Variants in TECPR2 observed in about 807,000 individuals in gnomAD.
TECPR2 encodes the protein tectonin beta-propeller repeat-containing protein 2.
A neutral mutation model predicts 138.1 loss-of-function variants in TECPR2; 65 were observed. The ratio of observed to expected loss-of-function variants is 0.47; its 90% CI spans 0.39 to 0.58. The LOEUF (loss-of-function observed/expected upper bound fraction) is 0.58. TECPR2 is among the 20% of genes least tolerant of loss of function. The probability of loss-of-function intolerance (pLI) is 0.00; values close to 1 mark genes in which losing one functional copy is unlikely to be tolerated. For synonymous variants in TECPR2, 746 were observed against 749.8 expected (o/e 0.99, Z 0.08); for missense variants, 1,553 against 1,824.5 (o/e 0.85, Z 2.71).
At chr14:102,425,820 C>T (rs569427223) in intron 6 of TECPR2, among the ~76,000 whole-genome samples, 3 of 150,202 alleles carry the variant, frequency 2.0e-5, no homozygotes, top group South Asian at 4.2e-4. Context: ...GTGATCTGCC[C>T]GCCTTGGCCT....
At chr14:102,429,948 TTTTG>T (rs1353891800) in intron 7 of TECPR2, among the ~76,000 whole-genome samples, 3 of 152,150 alleles carry the variant, frequency 2.0e-5, no homozygotes, top group Non-Finnish European at 4.4e-5. Flanking sequence ...GAATTTTACA[TTTTG>T]TTTAATTTTT....
intron 5 of TECPR2, among the ~76,000 whole-genome samples, chr14:102,416,280 C>T (rs1861612803): frequency 6.6e-6 from 1 of 152,136 alleles, no homozygotes; most frequent in Admixed American, 6.5e-5. Context: ...TGCCACCACA[C>T]CCGGCTAATT....
chr14:102,365,883 G>A (rs971373639), intron 1 of TECPR2, among the ~76,000 whole-genome samples: 6 of 152,166 alleles, frequency 3.9e-5, no homozygotes, highest in East Asian at 1.9e-4. Context: ...GGGGATGGGA[G>A]CAAGGAAGTG....
intron 11 of TECPR2, among the ~76,000 whole-genome samples, chr14:102,441,028 C>A (rs1889814555): frequency 6.6e-6 from 1 of 151,888 alleles, no homozygotes; most frequent in African/African-American, 2.4e-5. Flanking sequence ...CTCCTATATA[C>A]TTACTTACCC....
intron 17 of TECPR2, among the ~76,000 whole-genome samples, chr14:102,482,286 C>A (rs1890909937): frequency 6.6e-6 from 1 of 152,190 alleles, no homozygotes; most frequent in Non-Finnish European, 1.5e-5. Context: ...AAACTCCTGA[C>A]CTCAGGTGAG....
At chr14:102,379,369 G>C (rs569221306) in intron 2 of TECPR2, among the ~76,000 whole-genome samples, 3 of 151,940 alleles carry the variant, frequency 2.0e-5, no homozygotes, top group East Asian at 3.9e-4. Flanking sequence ...CATGCACAGA[G>C]GCGTCCTAGT....
chr14:102,468,137 C>T (rs1408767174), intron 17 of TECPR2, among the ~76,000 whole-genome samples: 3 of 151,852 alleles, frequency 2.0e-5, no homozygotes, highest in African/African-American at 4.8e-5. Context: ...TGTGCCACCA[C>T]GCCCAGCCTC....
At chr14:102,373,444 A>T (rs775877832) in intron 1 of TECPR2, among the ~76,000 whole-genome samples, 4 of 152,248 alleles carry the variant, frequency 2.6e-5, no homozygotes, top group Non-Finnish European at 5.9e-5. Flanking sequence ...GGCTTTGATT[A>T]GATGATTTTG....
chr14:102,454,772 T>C (rs1489905979), intron 16 of TECPR2, among the ~76,000 whole-genome samples: 2 of 152,224 alleles, frequency 1.3e-5, no homozygotes, highest in Admixed American at 6.5e-5. Context: ...TCTTGAGCAC[T>C]GTGGGAGGCT....
intron 1 of TECPR2, 96 bp from the exon 2 acceptor site, chr14:102,376,554 T>C: frequency 1.6e-6 from 1 of 624,552 alleles, no homozygotes; most frequent in Non-Finnish European, 2.8e-6. Flanking sequence ...CCAGCTATAA[T>C]GTTTACCTGC....
intron 7 of TECPR2, among the ~76,000 whole-genome samples, chr14:102,431,318 A>G (rs2139725190): frequency 6.7e-6 from 1 of 149,068 alleles, no homozygotes; most frequent in Non-Finnish European, 1.5e-5. Context: ...AGTCTTTTGT[A>G]TGATTCTTTT....
chr14:102,493,304 G>A (rs1442506704), intron 17 of TECPR2, among the ~76,000 whole-genome samples: 3 of 152,226 alleles, frequency 2.0e-5, no homozygotes, highest in Admixed American at 1.3e-4. Context: ...GGCCTGGGCC[G>A]CTTTTCTGTC....
At chr14:102,391,065 T>G (rs918343221) in intron 2 of TECPR2, among the ~76,000 whole-genome samples, 13 of 152,112 alleles carry the variant, frequency 8.5e-5, no homozygotes, top group African/African-American at 3.1e-4. Context: ...ATGGATTTGT[T>G]TTTTGTCTTT....
At chr14:102,365,290 A>G (rs1887314119) in intron 1 of TECPR2, among the ~76,000 whole-genome samples, 1 of 152,248 alleles carries the variant, frequency 6.6e-6, no homozygotes, top group African/African-American at 2.4e-5. Flanking sequence ...GTGCTGTGCG[A>G]TAACTGCCAT....
rs146144578 is a variant in TECPR2 at position 102,457,431 on chromosome 14, C to T, written c.3640+4804C>T. On this transcript the variant is annotated intron_variant, in intron 16 of 19. Transcript: ENST00000359520. ...CTTATTTAAGTGAAAATTTTGAATGCAGGTGTGCTGTCTGCCCAGGAGCCC... is the reference window on the plus strand; with the variant it reads ...CTTATTTAAGTGAAAATTTTGAATGTAGGTGTGCTGTCTGCCCAGGAGCCC... 3.2e-3 allele frequency among the ~76,000 whole-genome samples: 485 copies of T among 152,250 alleles called. 3 individuals carry two copies. Among genetic ancestry groups the T allele is most frequent in the African/African-American group, 0.011 (461 of 41,540 alleles).
Position 102,499,470 on chromosome 14 carries a change from CAG to C in TECPR2, c.*1216_*1217del, listed in dbSNP as rs1371155708. Reference sequence around the variant, plus strand: ...CCTGCACTGTCCTCGCCTGCAGCCTCAGAGGGGCAGGCATCCCCGCACAGACT... The same window carrying C: ...CCTGCACTGTCCTCGCCTGCAGCCTCAGGGGCAGGCATCCCCGCACAGACT... On this transcript the variant is annotated 3_prime_UTR_variant, in exon 20 of 20. Coordinates refer to ENST00000359520, the MANE Select transcript of TECPR2 (RefSeq NM_014844.5). The C allele has an allele frequency of 1.9e-6, 1 of 527,664 alleles. No individual in the cohort carries two copies. Among genetic ancestry groups the C allele is most frequent in the African/African-American group, 1.9e-5 (1 of 52,272 alleles). The allele number at this position is 527,664 out of a possible 1,614,324, so 32.7% of individuals were successfully genotyped here.
intron 2 of TECPR2, among the ~76,000 whole-genome samples, chr14:102,384,897 C>A (rs59490997): frequency 0.28 from 34,393 of 122,724 alleles, 5,220 homozygotes; most frequent in East Asian, 0.48. Context: ...ACTCTTGTTG[C>A]CCTGGCTGGA....
chr14:102,459,927 T>G (rs563768533), intron 16 of TECPR2, among the ~76,000 whole-genome samples: 1 of 152,292 alleles, frequency 6.6e-6, no homozygotes, highest in South Asian at 2.1e-4. Flanking sequence ...CAGCACTAAC[T>G]CATTGTTAGG....
chr14:102,425,669 A>T (rs1422111048), intron 6 of TECPR2, among the ~76,000 whole-genome samples: 1 of 151,456 alleles, frequency 6.6e-6, no homozygotes, highest in Non-Finnish European at 1.5e-5. Context: ...TCCACCTCCC[A>T]GGTTCAAGCG....
Sources: gnomAD v4.1 joint callset for allele counts (sites outside exome capture counted in the v4.1 genomes callset) on GRCh38, gnomAD v4.1.1 for gene constraint, MANE v1.5 for transcripts, NCBI Gene and HGNC (gene_info 2026-07-23, HGNC 2026-07-21) for gene names.